Variants in DOT1L observed in about 807,000 individuals in gnomAD.
DOT1L encodes DOT1 like histone lysine methyltransferase.
A neutral mutation model predicts 153.3 loss-of-function variants in DOT1L; 33 were observed. The ratio of observed to expected loss-of-function variants is 0.22; its 90% CI spans 0.16 to 0.29. DOT1L has a LOEUF of 0.29. Among genes scored for constraint, DOT1L ranks in the 10% least tolerant of loss-of-function variants. The pLI, the probability that DOT1L is intolerant of heterozygous loss-of-function variation, is 1.00. For missense variants in DOT1L, 1,847 were observed against 2,119.9 expected (o/e 0.87, Z 2.53); for synonymous variants, 1,135 against 965.1 (o/e 1.18, Z -3.26).
Position 2,210,766 on chromosome 19 carries a change from A to T in DOT1L, c.1262A>T (p.Asn421Ile). 6.2e-7 allele frequency: 1 copy of T among 1,613,022 alleles called. No homozygotes were observed. The highest frequency in any genetic ancestry group is 8.5e-7 in the Non-Finnish European group (1 of 1,179,980). The change falls in exon 14 of 28, where the codon AAC becomes ATC. Residue 421 changes from asparagine (N) to isoleucine (I), a missense_variant. Physicochemically the swap from Asn to Ile is moderately radical, Grantham distance 149. Coordinates refer to ENST00000398665, the MANE Select transcript of DOT1L (RefSeq NM_032482.3). The part of the protein sequence containing the change: ...RGRPKKMNTA[N>I]PERKPKKNQT... ...CGCCCCAAGAAGATGAACACTGCGAACCCCGAGCGGAAGCCCAAGAAGAAC... is the reference window on the plus strand; with the variant it reads ...CGCCCCAAGAAGATGAACACTGCGATCCCCGAGCGGAAGCCCAAGAAGAAC...
chr19:2,191,298 C>G lies in DOT1L; in HGVS notation c.493+58C>G. On this transcript the variant is annotated intron_variant, in intron 5 of 27. Transcript: ENST00000398665. The surrounding 1 kb of genome is among the most constrained non-coding windows in gnomAD (Gnocchi z 6.8). Reference sequence around the variant, plus strand: ...CACTTCCAGGCCACACGCTCTGTGCCTGCCCCATGCCTGCTTGGAGAAGAG... The same window carrying G: ...CACTTCCAGGCCACACGCTCTGTGCGTGCCCCATGCCTGCTTGGAGAAGAG... 1.3e-6 allele frequency: 2 copies of G among 1,539,666 alleles called. No homozygotes were observed. Among genetic ancestry groups the G allele is most frequent in the Non-Finnish European group, 9.0e-7 (1 of 1,115,786 alleles).
At chr19:2,171,946 C>T (rs1239776079) in intron 1 of DOT1L, among the ~76,000 whole-genome samples, 1 of 152,164 alleles carries the variant, frequency 6.6e-6, no homozygotes, top group African/African-American at 2.4e-5. Flanking sequence ...AAGTGATTGC[C>T]CGGCTCCACG....
intron 3 of DOT1L, among the ~76,000 whole-genome samples, chr19:2,186,929 A>G (rs2144722915): frequency 6.6e-6 from 1 of 152,336 alleles, no homozygotes; most frequent in Admixed American, 6.5e-5. Flanking sequence ...GCCGCATGGC[A>G]GGGTCCACAG....
intron 3 of DOT1L, 135 bp from the exon 4 acceptor site, chr19:2,189,597 G>A (rs1599558855): frequency 1.1e-6 from 1 of 899,036 alleles, no homozygotes; most frequent in East Asian, 2.7e-5. Context: ...CTGCCAGAAG[G>A]GTCTTGGCCA....
At chr19:2,168,146 C>G (rs79473699) in intron 1 of DOT1L, among the ~76,000 whole-genome samples, 2 of 152,226 alleles carry the variant, frequency 1.3e-5, no homozygotes, top group Admixed American at 6.5e-5. Context: ...CGCCACCGCC[C>G]CAGCATTCTT....
chr19:2,215,356 G>A (rs2023859833), intron 19 of DOT1L: 1 of 152,224 alleles, frequency 6.6e-6, no homozygotes, highest in African/African-American at 2.4e-5. Context: ...GCAGCGGGAA[G>A]GTGCTCTCCT....
At chr19:2,165,625 C>T (rs1245583931) in intron 1 of DOT1L, among the ~76,000 whole-genome samples, 1 of 152,244 alleles carries the variant, frequency 6.6e-6, no homozygotes, top group African/African-American at 2.4e-5. Context: ...CTCCAGAACC[C>T]TTCCAGCCTC....
chr19:2,168,581 G>A (rs928611091), intron 1 of DOT1L, among the ~76,000 whole-genome samples: 3 of 152,186 alleles, frequency 2.0e-5, no homozygotes, highest in African/African-American at 2.4e-5. Flanking sequence ...TGACCTGGGA[G>A]TTCCTGGATA....
chr19:2,193,825 C>T lies in DOT1L; in HGVS notation c.588+42C>T, dbSNP rs1213447261. 3 of 1,594,632 alleles carry T rather than the reference C, an allele frequency of 1.9e-6. No individual in the cohort carries two copies. The highest frequency in any genetic ancestry group is 1.1e-5 in the South Asian group (1 of 90,274). On this transcript the variant is annotated intron_variant, in intron 6 of 27. Coordinates refer to ENST00000398665, the MANE Select transcript of DOT1L (RefSeq NM_032482.3). The surrounding 1 kb of genome is among the most constrained non-coding windows in gnomAD (Gnocchi z 5.9). Reference sequence around the variant, plus strand: ...GCCAGGGTGTGTTGGAGGCAGGGGACCATCAGAGAAAGTGACGCCCTGGGT... The same window carrying T: ...GCCAGGGTGTGTTGGAGGCAGGGGATCATCAGAGAAAGTGACGCCCTGGGT...
intron 2 of DOT1L, among the ~76,000 whole-genome samples, chr19:2,180,957 T>G (rs1047373273): frequency 6.6e-6 from 1 of 152,144 alleles, no homozygotes; most frequent in Non-Finnish European, 1.5e-5. Context: ...GCAGAAGTCT[T>G]GAGCTGCTGG....
chr19:2,213,580 C>G lies in DOT1L; in HGVS notation c.1599C>G (p.Leu533=). The change falls in exon 17 of 28, where the codon CTC becomes CTG. Residue 533 remains leucine (L), a synonymous_variant. Transcript: ENST00000398665. ...TCCTGGGTGCGGCTCAGCAGCTCCT[C>G]AGCCACTGCCAGGCCCAGAAGGAGG... ...AQLLGAAQQL[L]SHCQAQKEEI... The G allele has an allele frequency of 6.2e-7, 1 of 1,613,522 alleles. No homozygotes were observed. Among genetic ancestry groups the G allele is most frequent in the South Asian group, 1.1e-5 (1 of 91,072 alleles).
chr19:2,187,836 G>A (rs955092227), intron 3 of DOT1L, among the ~76,000 whole-genome samples: 5 of 151,946 alleles, frequency 3.3e-5, no homozygotes, highest in African/African-American at 4.8e-5. Context: ...GCAGGAGAAT[G>A]GTGTGAACCC....
At chr19:2,175,849 C>T (rs908933694) in intron 1 of DOT1L, among the ~76,000 whole-genome samples, 4 of 152,076 alleles carry the variant, frequency 2.6e-5, no homozygotes, top group Non-Finnish European at 5.9e-5. Flanking sequence ...ACTCCAGCCT[C>T]GGCAACGAGC....
intron 12 of DOT1L, among the ~76,000 whole-genome samples, chr19:2,209,818 C>T (rs548163256): frequency 6.6e-6 from 1 of 152,238 alleles, no homozygotes; most frequent in African/African-American, 2.4e-5. Flanking sequence ...GGCTCCAACC[C>T]GGCCTCAGAG....
intron 25 of DOT1L, among the ~76,000 whole-genome samples, chr19:2,224,228 T>C (rs1424330750): frequency 6.6e-6 from 1 of 152,178 alleles, no homozygotes; most frequent in Non-Finnish European, 1.5e-5. Context: ...GCTGTGGCCA[T>C]GGGTGTGCGT....
chr19:2,230,496 G>T lies in DOT1L; in HGVS notation c.*704G>T, dbSNP rs887395949. The T allele has an allele frequency of 1.0e-5, 4 of 398,984 alleles. No homozygotes were observed. Among genetic ancestry groups the T allele is most frequent in the Non-Finnish European group, 1.8e-5 (4 of 226,290 alleles). 24.7% of individuals were successfully genotyped at this position (398,984 alleles called of 1,614,324 possible). Reference sequence around the variant, plus strand: ...TGGCCATGTGCTGCGCGATGGTGCTGTGAGGACGGCGCGGGCACGTTGAAC... The same window carrying T: ...TGGCCATGTGCTGCGCGATGGTGCTTTGAGGACGGCGCGGGCACGTTGAAC... On this transcript the variant is annotated 3_prime_UTR_variant, in exon 28 of 28. Coordinates refer to ENST00000398665, the MANE Select transcript of DOT1L (RefSeq NM_032482.3).
rs1458136869 is a variant in DOT1L, at chr19:2,204,397, T to A, written c.787+1618T>A. Among the ~76,000 whole-genome samples the A allele has an allele frequency of 6.6e-6, 1 of 152,116 alleles. No homozygotes were observed. Among genetic ancestry groups the A allele is most frequent in the African/African-American group, 2.4e-5 (1 of 41,400 alleles). ...GTGTGGCAGTGGTGTTTCTGACTTA[T>A]CTTAGAACCACGTGAGGACACCATG... On this transcript the variant is annotated intron_variant, in intron 9 of 27. Transcript: ENST00000398665. The surrounding 1 kb of genome is among the most constrained non-coding windows in gnomAD (Gnocchi z 5.7).
At chr19:2,170,437 G>T (rs531526648) in intron 1 of DOT1L, among the ~76,000 whole-genome samples, 2 of 152,118 alleles carry the variant, frequency 1.3e-5, no homozygotes, top group South Asian at 4.1e-4. Context: ...GACCCAACAC[G>T]GTTCCTCCTG....
chr19:2,229,943 G>A lies in DOT1L; in HGVS notation c.*151G>A, dbSNP rs572430585. On this transcript the variant is annotated 3_prime_UTR_variant, in exon 28 of 28. Transcript: ENST00000398665. Reference sequence around the variant, plus strand: ...CCACTGTGAATCGGCGGCACGCGCCGCAGGAGGCTGGGACTGGTCCAGTTT... The same window carrying A: ...CCACTGTGAATCGGCGGCACGCGCCACAGGAGGCTGGGACTGGTCCAGTTT... 3.3e-5 allele frequency: 45 copies of A among 1,359,144 alleles called. No homozygotes were observed. The East Asian group carries it at 4.9e-4, about 15-fold the overall frequency. The allele number at this position is 1,359,144 out of a possible 1,614,324, so 84.2% of individuals were successfully genotyped here. A position where few individuals can be genotyped will look rare whatever the true frequency, so the allele number is the denominator to read the frequency against.
Sources: gnomAD v4.1 joint callset for allele counts (sites outside exome capture counted in the v4.1 genomes callset) on GRCh38, gnomAD v4.1.1 for gene constraint, Gnocchi (gnomAD v3.1) non-coding constraint, MANE v1.5 for transcripts, NCBI Gene and HGNC (gene_info 2026-07-23, HGNC 2026-07-21) for gene names.